Variants in ABL1 observed in about 807,000 individuals in gnomAD.
ABL1 encodes the protein tyrosine-protein kinase ABL1.
A neutral mutation model predicts 94.7 loss-of-function variants in ABL1; 11 were observed. The observed-to-expected ratio is 0.12, with a 90% confidence interval of 0.07 to 0.19. ABL1 has a LOEUF of 0.19. ABL1 is among the 10% of genes least tolerant of loss of function. ABL1 has a pLI of 1.00. For synonymous variants in ABL1, 656 were observed against 622.4 expected, an observed-to-expected ratio of 1.05 and a Z score of -0.80; for missense variants, 1,082 against 1,489.4, an observed-to-expected ratio of 0.73 and a Z score of 4.50.
intron 1 of ABL1, among the ~76,000 whole-genome samples, chr9:130,731,542 T>A (rs1261419977): frequency 6.6e-6 from 1 of 152,118 alleles, no homozygotes; most frequent in African/African-American, 2.4e-5. Flanking sequence ...GCTGTTTAAT[T>A]GAAAAGAACA....
intron 7 of ABL1, among the ~76,000 whole-genome samples, chr9:130,875,369 C>G (rs941513021): frequency 7.9e-5 from 12 of 152,024 alleles, no homozygotes; most frequent in Non-Finnish European, 1.8e-4. Context: ...TCTAGAACTC[C>G]TGACCTCAGG....
intron 1 of ABL1, among the ~76,000 whole-genome samples, chr9:130,737,141 A>G (rs1831754211): frequency 1.3e-5 from 2 of 152,166 alleles, no homozygotes; most frequent in Admixed American, 6.5e-5. Context: ...TTTATTGAAA[A>G]GGATTTTTGC....
chr9:130,859,860 T>C (rs1321043961), intron 3 of ABL1, among the ~76,000 whole-genome samples: 1 of 151,894 alleles, frequency 6.6e-6, no homozygotes, highest in African/African-American at 2.4e-5. Flanking sequence ...TTTGTATTTT[T>C]AGTAGAGATG....
intron 1 of ABL1, among the ~76,000 whole-genome samples, chr9:130,764,894 T>C (rs1418762841): frequency 6.6e-6 from 1 of 151,072 alleles, no homozygotes; most frequent in African/African-American, 2.4e-5. Context: ...AGGTGGAGGT[T>C]GCAGTGAGCC....
chr9:130,754,507 CAAAAAAAA>C (rs34396002), intron 1 of ABL1, among the ~76,000 whole-genome samples: 4 of 78,848 alleles, frequency 5.1e-5, no homozygotes, highest in South Asian at 8.9e-4. Flanking sequence ...GACTCCGTCT[CAAAAAAAA>C]AAAAAAAAAA....
intron 1 of ABL1, among the ~76,000 whole-genome samples, chr9:130,823,655 G>A (rs906616311): frequency 5.3e-5 from 8 of 152,146 alleles, no homozygotes; most frequent in Admixed American, 2.6e-4. Context: ...GAGGGAGTGC[G>A]TGCCTGTTGC....
chr9:130,739,010 G>T (rs1831780881), intron 1 of ABL1, among the ~76,000 whole-genome samples: 1 of 152,166 alleles, frequency 6.6e-6, no homozygotes, highest in African/African-American at 2.4e-5. Context: ...AGCCTCCAGA[G>T]TAGCGGGGAG....
intron 1 of ABL1, 106 bp from the exon 2 acceptor site, chr9:130,853,958 T>C (rs1830930736): frequency 3.5e-6 from 4 of 1,158,970 alleles, no homozygotes; most frequent in Admixed American, 5.0e-5. Context: ...AATAGGAATG[T>C]GTAATGTTGG....
chr9:130,852,905 G>A (rs559733042), intron 1 of ABL1, among the ~76,000 whole-genome samples: 3 of 152,092 alleles, frequency 2.0e-5, no homozygotes, highest in Admixed American at 1.3e-4. Context: ...GAGGGTGGTC[G>A]TGGGGGCAAG....
chr9:130,818,869 T>C (rs1830323241), intron 1 of ABL1, among the ~76,000 whole-genome samples: 1 of 152,234 alleles, frequency 6.6e-6, no homozygotes, highest in African/African-American at 2.4e-5. Context: ...TTTCACTATA[T>C]CTGCATTTCC....
In ABL1 at chr9:130,805,075, TTTTG is replaced by T. The variant is rs964874679; in HGVS notation, c.137-48972_137-48969del. On this transcript the variant is annotated intron_variant, in intron 1 of 10. Coordinates refer to the ABL1 transcript ENST00000372348. Reference sequence around the variant, plus strand: ...GTTTATAACAACATTTTCTTTTCTGTTTTGTTTGTTTGTTTGTTTGAGACAGAGT... The same window carrying T: ...GTTTATAACAACATTTTCTTTTCTGTTTTGTTTGTTTGTTTGAGACAGAGT... Among the ~76,000 whole-genome samples, 59 of 152,248 alleles carry T rather than the reference TTTTG, an allele frequency of 3.9e-4. 1 individual carries two copies. Among genetic ancestry groups the T allele is most frequent in the East Asian group, 3.9e-3 (20 of 5,184 alleles).
intron 1 of ABL1, among the ~76,000 whole-genome samples, chr9:130,812,728 ACT>A (rs559326610): frequency 2.4e-4 from 37 of 152,222 alleles, no homozygotes; most frequent in Non-Finnish European, 3.7e-4. Flanking sequence ...AGGTTTAACA[ACT>A]CTCTCACAAA....
chr9:130,729,097 A>T (rs1370970649), intron 1 of ABL1, among the ~76,000 whole-genome samples: 1 of 152,168 alleles, frequency 6.6e-6, no homozygotes, highest in Non-Finnish European at 1.5e-5. Flanking sequence ...GTATGGGTTT[A>T]TCCTTGGTCC....
At chr9:130,790,465 TTTTATTTATTTA>T (rs57807270) in intron 1 of ABL1, among the ~76,000 whole-genome samples, 92 of 148,008 alleles carry the variant, frequency 6.2e-4, no homozygotes, top group African/African-American at 1.5e-3. Context: ...TTCATTTTTA[TTTTATTTATTTA>T]TTTATTTATT....
intron 1 of ABL1, among the ~76,000 whole-genome samples, chr9:130,749,981 C>T (rs1831934905): frequency 6.6e-6 from 1 of 151,190 alleles, no homozygotes; most frequent in South Asian, 2.1e-4. Context: ...TGAGACCAGC[C>T]TGGGCAACAT....
In ABL1 at chr9:130,739,508, A is replaced by G. The variant is rs116187393; in HGVS notation, c.136+25053A>G. 8.1e-3 allele frequency among the ~76,000 whole-genome samples: 1,228 copies of G among 152,278 alleles called. 14 individuals carry two copies. Among genetic ancestry groups the G allele is most frequent in the African/African-American group, 0.027 (1,142 of 41,564 alleles). On this transcript the variant is annotated intron_variant, in intron 1 of 10. Transcript: ENST00000372348. ...AACATACATTTTTGTAAATTATTCA[A>G]TCAAGGAAAATTGATTCAGAAAGCT...
At chr9:130,728,797 G>A (rs148223389) in intron 1 of ABL1, among the ~76,000 whole-genome samples, 25 of 151,964 alleles carry the variant, frequency 1.6e-4, no homozygotes, top group Non-Finnish European at 2.8e-4. Flanking sequence ...AATAAAGACC[G>A]TGCCTGCTAA....
chr9:130,859,546 G>T (rs1831030701), intron 3 of ABL1, among the ~76,000 whole-genome samples: 1 of 151,878 alleles, frequency 6.6e-6, no homozygotes, highest in Admixed American at 6.6e-5. Context: ...CTTCCTGGCT[G>T]AGCAACCTGT....
chr9:130,878,073 A>T (rs1831382920), intron 7 of ABL1, among the ~76,000 whole-genome samples: 1 of 152,112 alleles, frequency 6.6e-6, no homozygotes, highest in African/African-American at 2.4e-5. Flanking sequence ...TCGGCCTCCC[A>T]AAGTGCTGGG....
Sources: gnomAD v4.1 joint callset for allele counts (sites outside exome capture counted in the v4.1 genomes callset) on GRCh38, gnomAD v4.1.1 for gene constraint, MANE v1.5 for transcripts, NCBI Gene and HGNC (gene_info 2026-07-23, HGNC 2026-07-21) for gene names.